The following MARCHF1 variants were observed in gnomAD, a reference collection of about 807,000 sequenced individuals.
The protein encoded by MARCHF1 is membrane associated ring-CH-type finger 1.
In MARCHF1, 40 loss-of-function variants were observed where a neutral mutation model predicts 54.2. The observed-to-expected ratio is 0.74, with a 90% CI of 0.57 to 0.96. The LOEUF (loss-of-function observed/expected upper bound fraction) is 0.96, where lower values mean the gene tolerates loss of function less well. Ranked by LOEUF, MARCHF1 falls within the 40% of genes least tolerant of loss-of-function variation. MARCHF1 has a pLI of 0.00. For missense variants in MARCHF1, 586 were observed against 656.5 expected (o/e 0.89, Z 1.17); for synonymous variants, 236 against 236.3 (o/e 1.00, Z 0.01).
chr4:164,309,152 A>T (rs1734776333), intron 1 of MARCHF1, among the ~76,000 whole-genome samples: 1 of 152,084 alleles, frequency 6.6e-6, no homozygotes. Context: ...TGCTCTGGAC[A>T]TTTAAAAATA....
At chr4:164,285,512 G>A (rs931156260) in intron 1 of MARCHF1, among the ~76,000 whole-genome samples, 1 of 151,798 alleles carries the variant, frequency 6.6e-6, no homozygotes, top group Non-Finnish European at 1.5e-5. Flanking sequence ...GCGCGATCTC[G>A]GCTCACGGCA....
chr4:163,831,827 T>C (rs1749032853), intron 4 of MARCHF1, among the ~76,000 whole-genome samples: 1 of 152,206 alleles, frequency 6.6e-6, no homozygotes, highest in Admixed American at 6.5e-5. Context: ...GGTAATTCTT[T>C]GGTGTGGCAG....
chr4:163,631,982 A>G (rs1253336479), intron 5 of MARCHF1, among the ~76,000 whole-genome samples: 1 of 152,232 alleles, frequency 6.6e-6, no homozygotes, highest in Non-Finnish European at 1.5e-5. Flanking sequence ...AAAACACATG[A>G]AAAGATGTTG....
intron 4 of MARCHF1, among the ~76,000 whole-genome samples, chr4:163,765,303 G>C (rs947313572): frequency 6.6e-6 from 1 of 152,086 alleles, no homozygotes; most frequent in African/African-American, 2.4e-5. Context: ...TGAGAGTACA[G>C]TCTTCTGATA....
intron 1 of MARCHF1, among the ~76,000 whole-genome samples, chr4:164,237,101 G>T (rs1418086022): frequency 6.6e-6 from 1 of 152,076 alleles, no homozygotes; most frequent in Admixed American, 6.6e-5. Flanking sequence ...CCTTGACCAT[G>T]CCATGTCTTT....
At chr4:163,592,852 G>A (rs1429628573) in intron 7 of MARCHF1, among the ~76,000 whole-genome samples, 1 of 151,956 alleles carries the variant, frequency 6.6e-6, no homozygotes, top group Non-Finnish European at 1.5e-5. Flanking sequence ...GGTCTCCATG[G>A]GCTCTTGAAA....
intron 1 of MARCHF1, among the ~76,000 whole-genome samples, chr4:164,116,583 C>T (rs943772584): frequency 8.6e-5 from 13 of 152,004 alleles, no homozygotes; most frequent in African/African-American, 2.2e-4. Flanking sequence ...CCACTAGCCA[C>T]GTGTAAATTT....
At chr4:164,140,256 T>TATATATAA (rs995663689) in intron 1 of MARCHF1, among the ~76,000 whole-genome samples, 1 of 150,598 alleles carries the variant, frequency 6.6e-6, no homozygotes, top group Admixed American at 6.7e-5. Flanking sequence ...TATATATATA[T>TATATATAA]AAATGAAACT....
At chr4:164,108,167 C>A (rs528767202) in intron 2 of MARCHF1, among the ~76,000 whole-genome samples, 1 of 152,026 alleles carries the variant, frequency 6.6e-6, no homozygotes, top group Admixed American at 6.6e-5. Context: ...CAAGACCTTT[C>A]GTGGCTTAAA....
At chr4:164,147,446 G>A (rs971000758) in intron 1 of MARCHF1, among the ~76,000 whole-genome samples, 1 of 126,918 alleles carries the variant, frequency 7.9e-6, no homozygotes, top group Non-Finnish European at 1.6e-5. Context: ...ATGATAGACT[G>A]GATTAAGAAA....
chr4:164,137,983 T>C (rs1404131876), intron 1 of MARCHF1, among the ~76,000 whole-genome samples: 1 of 152,322 alleles, frequency 6.6e-6, no homozygotes, highest in East Asian at 1.9e-4. Context: ...AATTTATTCA[T>C]TGCTTTACTC....
chr4:164,182,491 T>C (rs1730856760), intron 1 of MARCHF1, among the ~76,000 whole-genome samples: 1 of 151,920 alleles, frequency 6.6e-6, no homozygotes, highest in Admixed American at 6.6e-5. Flanking sequence ...TTCATTTTTC[T>C]CAAAGAATAT....
intron 2 of MARCHF1, among the ~76,000 whole-genome samples, chr4:164,007,129 G>C (rs923410310): frequency 5.4e-5 from 8 of 148,260 alleles, no homozygotes; most frequent in African/African-American, 2.0e-4. Flanking sequence ...GGCGGATCAC[G>C]AGGTCAGGAG....
At chr4:164,229,846 G>A (rs1354018766) in intron 1 of MARCHF1, among the ~76,000 whole-genome samples, 1 of 152,102 alleles carries the variant, frequency 6.6e-6, no homozygotes, top group African/African-American at 2.4e-5. Context: ...TCACTCTTGG[G>A]AGAACAGCAC....
At chr4:164,063,077 A>T (rs1177249658) in intron 2 of MARCHF1, among the ~76,000 whole-genome samples, 2 of 152,230 alleles carry the variant, frequency 1.3e-5, no homozygotes, top group African/African-American at 4.8e-5. Flanking sequence ...CTGCAAACAG[A>T]TGTGCCGCCA....
At chr4:163,686,942 A>G (rs1408456842) in intron 5 of MARCHF1, among the ~76,000 whole-genome samples, 1 of 152,184 alleles carries the variant, frequency 6.6e-6, no homozygotes, top group Non-Finnish European at 1.5e-5. Flanking sequence ...AATATCTTCT[A>G]TTAGAAGTCT....
chr4:164,015,860 A>G (rs1019783226), intron 2 of MARCHF1, among the ~76,000 whole-genome samples: 2 of 152,006 alleles, frequency 1.3e-5, no homozygotes, highest in Non-Finnish European at 2.9e-5. Flanking sequence ...AATGTAAGTT[A>G]CCAACATACA....
chr4:163,944,152 TTTTG>T (rs888833490), intron 3 of MARCHF1, among the ~76,000 whole-genome samples: 2 of 148,242 alleles, frequency 1.3e-5, no homozygotes, highest in Admixed American at 6.7e-5. Flanking sequence ...TTTTTTTTTT[TTTTG>T]TATTTTTAGT....
rs1740702485 is a variant in MARCHF1 at position 163,594,723 on chromosome 4, C to A, written c.1011-8794G>T. Among the ~76,000 whole-genome samples the A allele has an allele frequency of 3.4e-5, 5 of 148,176 alleles. No individual in the cohort carries two copies. In the South Asian group the frequency reaches 1.1e-3, roughly 32 times the overall value. ...AAATCAGAGTCACAGTGAAATGTCA[C>A]CTCGCACCCATCAGAATGGCTATTA... On this transcript the variant is annotated intron_variant, in intron 7 of 9. Coordinates refer to ENST00000514618, the MANE Select transcript of MARCHF1 (RefSeq NM_001394959.1).
Sources: allele counts gnomAD v4.1 joint callset (sites outside exome capture counted in the v4.1 genomes callset), GRCh38; gene constraint gnomAD v4.1.1; transcripts MANE v1.5; gene names NCBI Gene and HGNC (gene_info 2026-07-23, HGNC 2026-07-21).